Variants in GALNT18 observed in about 807,000 individuals in gnomAD.
The protein encoded by GALNT18 is GalNAc-transferase 18.
Under a neutral mutation model 69.5 loss-of-function variants are expected in GALNT18, and 44 were observed. That is an observed-to-expected ratio of 0.63 (90% confidence interval 0.50 to 0.81). GALNT18 has a LOEUF of 0.81. Ranked by LOEUF, GALNT18 falls within the 40% of genes least tolerant of loss-of-function variation. The pLI is 0.00. For missense variants in GALNT18, 715 were observed against 810.0 expected, an observed-to-expected ratio of 0.88 and a Z score of 1.42; for synonymous variants, 364 against 318.2, an observed-to-expected ratio of 1.14 and a Z score of -1.53.
chr11:11,276,091 G>A (rs1241868629), intron 10 of GALNT18, among the ~76,000 whole-genome samples: 1 of 152,130 alleles, frequency 6.6e-6, no homozygotes, highest in Non-Finnish European at 1.5e-5. Context: ...AGCTTGATGG[G>A]GATAGCACTG....
At position 11,389,164 on chromosome 11, in the gene GALNT18, T is replaced by C. The variant is rs991194955; in HGVS notation, c.596-9900A>G. On this transcript the variant is annotated intron_variant, in intron 3 of 10. Coordinates refer to ENST00000227756, the MANE Select transcript of GALNT18 (RefSeq NM_198516.3). The surrounding 1 kb of genome is among the most constrained non-coding windows in gnomAD (Gnocchi z 4.3). ...AGGATGAGAGACTTTAAAGAACATA[T>C]TCCAAGTAACACAGAAGGTAAGGAA... is the stretch of plus-strand genomic sequence containing the variant. Among the ~76,000 whole-genome samples, 1 of 152,168 alleles carries C rather than the reference T, an allele frequency of 6.6e-6. No individual in the cohort carries two copies. The highest frequency in any genetic ancestry group is 6.5e-5 in the Admixed American group (1 of 15,280).
chr11:11,502,462 C>A (rs115395069), intron 1 of GALNT18, among the ~76,000 whole-genome samples: 4,255 of 152,242 alleles, frequency 0.028, 130 homozygotes, highest in African/African-American at 0.08. Flanking sequence ...GGCTTCTGCG[C>A]AAAGGAAAAC....
chr11:11,369,287 T>C (rs1454141361), intron 6 of GALNT18, among the ~76,000 whole-genome samples: 1 of 152,176 alleles, frequency 6.6e-6, no homozygotes, highest in Non-Finnish European at 1.5e-5. Context: ...ATCAACATAT[T>C]GACTGGGCTA....
rs372575439 is a variant in GALNT18, at chr11:11,621,362, G to C, written c.232C>G (p.Gln78Glu). Reference sequence around the variant, plus strand: ...CAAGTTTCCGGGGCGCCCGTACCTTGAATGTGCTGCTTGATGACATTCTCC... The same window carrying C: ...CAAGTTTCCGGGGCGCCCGTACCTTCAATGTGCTGCTTGATGACATTCTCC... Reference protein sequence around the residue: ...HLENVIKQHIQEAPAKPEEAE... With the variant: ...HLENVIKQHIEEAPAKPEEAE... The change falls in exon 1 of 11, where the codon CAA (glutamine) becomes GAA (glutamate). Residue 78 changes from glutamine to glutamate, a missense_variant. Physicochemically the swap from Gln to Glu is conservative, Grantham distance 29 (BLOSUM62 2). Coordinates refer to ENST00000227756, the MANE Select transcript of GALNT18 (RefSeq NM_198516.3). The surrounding 1 kb of genome is among the most constrained non-coding windows in gnomAD (Gnocchi z 9.3). 1.0e-4 allele frequency: 167 copies of C among 1,613,512 alleles called. No individual in the cohort carries two copies. The highest frequency in any genetic ancestry group is 1.2e-4 in the Non-Finnish European group (147 of 1,179,678).
chr11:11,370,773 T>C (rs951529957), intron 6 of GALNT18, among the ~76,000 whole-genome samples: 1 of 152,206 alleles, frequency 6.6e-6, no homozygotes, highest in African/African-American at 2.4e-5. Context: ...CTCACACACA[T>C]GCTGGAAGCA....
chr11:11,301,244 C>A (rs1849489364), intron 9 of GALNT18, among the ~76,000 whole-genome samples: 1 of 152,098 alleles, frequency 6.6e-6, no homozygotes, highest in African/African-American at 2.4e-5. Context: ...AGGAAGGGAG[C>A]CTTGCTTTAT....
rs193029329 is a variant in GALNT18 at position 11,290,832 on chromosome 11, T to C, written c.1677+2197A>G. On this transcript the variant is annotated intron_variant, in intron 10 of 10. Coordinates refer to ENST00000227756, the MANE Select transcript of GALNT18 (RefSeq NM_198516.3). Reference sequence around the variant, plus strand: ...GCTGAGGGCAGTAGAAAATGGTCCCTTGTGACCTCCATAGACTCTGAAGAC... The same window carrying C: ...GCTGAGGGCAGTAGAAAATGGTCCCCTGTGACCTCCATAGACTCTGAAGAC... 4.5e-3 allele frequency among the ~76,000 whole-genome samples: 687 copies of C among 152,248 alleles called. 11 individuals carry two copies. Among genetic ancestry groups the C allele is most frequent in the African/African-American group, 0.016 (653 of 41,544 alleles).
intron 3 of GALNT18, among the ~76,000 whole-genome samples, chr11:11,428,691 C>A (rs578250290): frequency 1.3e-5 from 2 of 152,286 alleles, no homozygotes; most frequent in East Asian, 1.9e-4. Flanking sequence ...AAACCTGGGC[C>A]CTGAATTTCT....
rs563989082 is a variant in GALNT18, at chr11:11,542,389, T to C, written c.235+78970A>G. On this transcript the variant is annotated intron_variant, in intron 1 of 10. Coordinates refer to ENST00000227756, the MANE Select transcript of GALNT18 (RefSeq NM_198516.3). The surrounding 1 kb of genome is among the most constrained non-coding windows in gnomAD (Gnocchi z 4.3). ...AGATCACTCCTACTTCCATGTTGTC[T>C]ACATGTTTCTTTATATATCTGTCTC... Among the ~76,000 whole-genome samples, 318 of 152,306 alleles carry C rather than the reference T, an allele frequency of 2.1e-3. No individual in the cohort carries two copies. Among genetic ancestry groups the C allele is most frequent in the African/African-American group, 7.2e-3 (301 of 41,574 alleles).
At position 11,621,630 on chromosome 11, in the gene GALNT18, C is replaced by A; in HGVS notation, c.-37G>T. ...TCCTCCATATAGAGCTCCCGGGGGC[C>A]CTTCCTTGTCGTGCGCCCCGAACTC... On this transcript the variant is annotated 5_prime_UTR_variant, in exon 1 of 11. Transcript: ENST00000227756. The surrounding 1 kb of genome is among the most constrained non-coding windows in gnomAD (Gnocchi z 9.3). The A allele has an allele frequency of 6.7e-7, 1 of 1,487,846 alleles. No homozygotes were observed. The highest frequency in any genetic ancestry group is 1.2e-5 in the South Asian group (1 of 82,622). 92.2% of individuals were successfully genotyped at this position (1,487,846 alleles called of 1,614,324 possible). A position where few individuals can be genotyped will look rare whatever the true frequency, so the allele number is the denominator to read the frequency against.
chr11:11,284,167 G>A (rs1427229463), intron 10 of GALNT18, among the ~76,000 whole-genome samples: 1 of 152,200 alleles, frequency 6.6e-6, no homozygotes. Context: ...TGGGGCGTGT[G>A]GAAGCCACAG....
At chr11:11,574,142 C>T (rs1858863205) in intron 1 of GALNT18, among the ~76,000 whole-genome samples, 1 of 152,136 alleles carries the variant, frequency 6.6e-6, no homozygotes, top group South Asian at 2.1e-4. Flanking sequence ...TACATACTGC[C>T]TCATAAGAAG....
rs1270485586 is a variant in GALNT18 at position 11,616,432 on chromosome 11, C to T, written c.235+4927G>A. ...AATGTTCAGACTCTTTGAGTCAGTA[C>T]TAATCCCACTTCTGGAAAGACATCC... On this transcript the variant is annotated intron_variant, in intron 1 of 10. Coordinates refer to ENST00000227756, the MANE Select transcript of GALNT18 (RefSeq NM_198516.3). This position sits in a 1 kb window ranked among gnomAD's most constrained non-coding sequence, Gnocchi z 4.4. Among the ~76,000 whole-genome samples, 2 of 152,172 alleles carry T rather than the reference C, an allele frequency of 1.3e-5. No individual in the cohort carries two copies. Among genetic ancestry groups the T allele is most frequent in the Non-Finnish European group, 2.9e-5 (2 of 68,026 alleles).
rs898545026 is a variant in GALNT18 at position 11,604,468 on chromosome 11, C to T, written c.235+16891G>A. 6.6e-6 allele frequency among the ~76,000 whole-genome samples: 1 copy of T among 152,112 alleles called. No homozygotes were observed. The highest frequency in any genetic ancestry group is 1.5e-5 in the Non-Finnish European group (1 of 68,032). On this transcript the variant is annotated intron_variant, in intron 1 of 10. Coordinates refer to ENST00000227756, the MANE Select transcript of GALNT18 (RefSeq NM_198516.3). The surrounding 1 kb of genome is among the most constrained non-coding windows in gnomAD (Gnocchi z 5.6). ...GGGTGGACAAGCGATCTACATCCAGCCCTAGACACCCAGGCAGCTTCTGGC... is the reference window on the plus strand; with the variant it reads ...GGGTGGACAAGCGATCTACATCCAGTCCTAGACACCCAGGCAGCTTCTGGC...
chr11:11,589,048 C>G (rs1268172332), intron 1 of GALNT18, among the ~76,000 whole-genome samples: 1 of 152,182 alleles, frequency 6.6e-6, no homozygotes, highest in African/African-American at 2.4e-5. Context: ...CATAGAATCA[C>G]CTTCCCAACT....
intron 3 of GALNT18, among the ~76,000 whole-genome samples, chr11:11,381,764 T>C (rs759761467): frequency 7.9e-5 from 12 of 152,146 alleles, no homozygotes; most frequent in Non-Finnish European, 1.5e-4. Flanking sequence ...TCAGCCCCAG[T>C]CGGGCCACCA....
In GALNT18 at chr11:11,439,150, A is replaced by G. The variant is rs145206865; in HGVS notation, c.429-6363T>C. ...GGGGTTGAATGTAGGAGATCCTAAG[A>G]AGATGATAAGTGAGGCGCAGGGGAG... On this transcript the variant is annotated intron_variant, in intron 2 of 10. Coordinates refer to ENST00000227756, the MANE Select transcript of GALNT18 (RefSeq NM_198516.3). This position sits in a 1 kb window ranked among gnomAD's most constrained non-coding sequence, Gnocchi z 4.4. 1.3e-3 allele frequency among the ~76,000 whole-genome samples: 196 copies of G among 152,350 alleles called. 1 individual carries two copies. Among genetic ancestry groups the G allele is most frequent in the Non-Finnish European group, 2.5e-3 (170 of 68,042 alleles).
chr11:11,346,544 T>C (rs941680491), intron 6 of GALNT18, among the ~76,000 whole-genome samples: 12 of 152,212 alleles, frequency 7.9e-5, no homozygotes, highest in Non-Finnish European at 1.6e-4. Context: ...GAGCTTAAAT[T>C]AATGTCGTAA....
intron 1 of GALNT18, among the ~76,000 whole-genome samples, chr11:11,518,098 C>T (rs1252380133): frequency 6.6e-6 from 1 of 152,206 alleles, no homozygotes; most frequent in Admixed American, 6.5e-5. Flanking sequence ...AGAGTGTCAT[C>T]CTCAAACATA....
Sources: allele counts gnomAD v4.1 joint callset (sites outside exome capture counted in the v4.1 genomes callset), GRCh38; gene constraint gnomAD v4.1.1; non-coding constraint Gnocchi (gnomAD v3.1); transcripts MANE v1.5; gene names NCBI Gene and HGNC (gene_info 2026-07-23, HGNC 2026-07-21).